Variants in LMBRD1 observed in about 807,000 individuals in gnomAD.
LMBRD1 encodes the protein LMBR1 domain containing 1, also known as lysosomal cobalamin transport escort protein LMBD1.
Under a neutral mutation model 74.8 loss-of-function variants are expected in LMBRD1, and 64 were observed. The ratio of observed to expected loss-of-function variants is 0.86; its 90% confidence interval spans 0.70 to 1.05. The LOEUF is 1.05. Among genes scored for constraint, LMBRD1 ranks in the 50% least tolerant of loss-of-function variants. LMBRD1 has a pLI of 0.00. For missense variants in LMBRD1, 652 were observed against 645.9 expected (o/e 1.01, Z -0.10); for synonymous variants, 204 against 216.3 (o/e 0.94, Z 0.50).
chr6:69,681,426 C>T (rs1308989002), intron 14 of LMBRD1, among the ~76,000 whole-genome samples: 1 of 151,876 alleles, frequency 6.6e-6, no homozygotes, highest in East Asian at 1.9e-4. Flanking sequence ...TGTTATGTCA[C>T]TTTTAATGTA....
At chr6:69,754,240 A>AT (rs1765225942) in intron 3 of LMBRD1, among the ~76,000 whole-genome samples, 1 of 152,160 alleles carries the variant, frequency 6.6e-6, no homozygotes, top group African/African-American at 2.4e-5. Context: ...TATTATGAAT[A>AT]TATTTAATAC....
chr6:69,715,966 C>A (rs1208094699), intron 8 of LMBRD1, among the ~76,000 whole-genome samples: 2 of 152,176 alleles, frequency 1.3e-5, no homozygotes, highest in African/African-American at 4.8e-5. Context: ...TTTATGGCTA[C>A]ATACTATTCC....
At chr6:69,761,526 G>A (rs1765372185) in intron 3 of LMBRD1, among the ~76,000 whole-genome samples, 1 of 152,000 alleles carries the variant, frequency 6.6e-6, no homozygotes, top group South Asian at 2.1e-4. Context: ...AATCCTCTAA[G>A]ATTTTAAGTT....
chr6:69,760,654 A>G (rs1045614161), intron 3 of LMBRD1, among the ~76,000 whole-genome samples: 1 of 152,178 alleles, frequency 6.6e-6, no homozygotes, highest in Non-Finnish European at 1.5e-5. Context: ...GTGTAATCTC[A>G]GCTTGAGTGT....
chr6:69,780,188 A>G (rs983733781), intron 3 of LMBRD1, among the ~76,000 whole-genome samples: 4 of 142,932 alleles, frequency 2.8e-5, no homozygotes, highest in East Asian at 2.1e-4. Context: ...CCTGAGCCCT[A>G]TGCAAATCAA....
At chr6:69,676,347 A>G in intron 15 of LMBRD1, 76 bp from the exon 16 acceptor site, 2 of 1,580,644 alleles carry the variant, frequency 1.3e-6, no homozygotes, top group Non-Finnish European at 1.7e-6. Flanking sequence ...AAATTCAATG[A>G]CAGTACTATG....
At chr6:69,787,117 T>A (rs1242647282) in intron 2 of LMBRD1, among the ~76,000 whole-genome samples, 1 of 152,192 alleles carries the variant, frequency 6.6e-6, no homozygotes. Flanking sequence ...ACATTTACAA[T>A]CGTGGCATGA....
intron 14 of LMBRD1, among the ~76,000 whole-genome samples, chr6:69,692,720 G>A (rs1562086132): frequency 6.6e-6 from 1 of 151,928 alleles, no homozygotes; most frequent in Non-Finnish European, 1.5e-5. Context: ...CTGCCCCCCA[G>A]GGCAGAATAA....
chr6:69,678,563 G>C (rs888128513), intron 14 of LMBRD1, among the ~76,000 whole-genome samples: 4 of 152,116 alleles, frequency 2.6e-5, no homozygotes, highest in African/African-American at 9.7e-5. Context: ...ACAAATTTCA[G>C]AAGGCCTACT....
intron 7 of LMBRD1, among the ~76,000 whole-genome samples, chr6:69,735,232 T>A (rs1001207446): frequency 1.3e-5 from 2 of 152,210 alleles, no homozygotes; most frequent in African/African-American, 4.8e-5. Context: ...CCATTCCAAC[T>A]GCAGGGTGCA....
intron 7 of LMBRD1, among the ~76,000 whole-genome samples, chr6:69,735,617 T>C (rs1329501283): frequency 6.6e-6 from 1 of 152,240 alleles, no homozygotes; most frequent in African/African-American, 2.4e-5. Context: ...TTCTTTCCAA[T>C]AATATCATTC....
chr6:69,792,649 G>T (rs1365696670), intron 1 of LMBRD1, among the ~76,000 whole-genome samples: 3 of 152,152 alleles, frequency 2.0e-5, no homozygotes, highest in African/African-American at 7.2e-5. Context: ...ATTAATATTT[G>T]AATGAGCTTG....
At chr6:69,693,806 AC>A (rs1202069072) in intron 14 of LMBRD1, among the ~76,000 whole-genome samples, 1 of 151,584 alleles carries the variant, frequency 6.6e-6, no homozygotes, top group African/African-American at 2.4e-5. Context: ...ATCTTTCTCT[AC>A]CATTATTATT....
chr6:69,764,681 TTAA>T (rs1765442995), intron 3 of LMBRD1, among the ~76,000 whole-genome samples: 2 of 152,210 alleles, frequency 1.3e-5, no homozygotes, highest in African/African-American at 4.8e-5. Context: ...AATGGTTTTA[TTAA>T]TGATTGGTAA....
chr6:69,684,710 A>G (rs1282168837), intron 14 of LMBRD1, among the ~76,000 whole-genome samples: 2 of 152,108 alleles, frequency 1.3e-5, no homozygotes, highest in Admixed American at 1.3e-4. Flanking sequence ...ATGGACAGAA[A>G]TTGTAGCATT....
intron 9 of LMBRD1, among the ~76,000 whole-genome samples, chr6:69,707,113 T>C (rs1766276237): frequency 6.6e-6 from 1 of 152,192 alleles, no homozygotes; most frequent in South Asian, 2.1e-4. Context: ...TTAGCTATCA[T>C]TTGGGAACAT....
chr6:69,717,801 G>GATCGT, intron 8 of LMBRD1, among the ~76,000 whole-genome samples: 1 of 152,130 alleles, frequency 6.6e-6, no homozygotes, highest in Non-Finnish European at 1.5e-5. Flanking sequence ...GGGCTCAAGT[G>GATCGT]ATCGTCCCAA....
chr6:69,725,765 C>A (rs1206031101), intron 7 of LMBRD1, among the ~76,000 whole-genome samples: 1 of 152,150 alleles, frequency 6.6e-6, no homozygotes, highest in African/African-American at 2.4e-5. Flanking sequence ...AGATCAAAGA[C>A]CTCATACTAT....
chr6:69,716,587 C>A (rs9346333), intron 8 of LMBRD1, among the ~76,000 whole-genome samples: 55,321 of 151,854 alleles, frequency 0.36, 10,597 homozygotes, highest in East Asian at 0.54. Flanking sequence ...ATCAGTAGAG[C>A]TAGATTTTGA....
Sources: gnomAD v4.1 joint callset for allele counts (sites outside exome capture counted in the v4.1 genomes callset) on GRCh38, gnomAD v4.1.1 for gene constraint, MANE v1.5 for transcripts, NCBI Gene and HGNC (gene_info 2026-07-23, HGNC 2026-07-21) for gene names.